The following SDK1 variants were observed in gnomAD, a reference collection of about 807,000 sequenced individuals.
SDK1 encodes sidekick cell adhesion molecule 1, also known as protein sidekick-1.
A neutral mutation model predicts 245.5 loss-of-function variants in SDK1; 157 were observed. That is an observed-to-expected ratio of 0.64 (90% CI 0.56 to 0.73). The LOEUF is 0.73. Ranked by LOEUF, SDK1 falls within the 30% of genes least tolerant of loss-of-function variation. The pLI is 0.00. For synonymous variants in SDK1, 1,647 were observed against 1,278.5 expected (o/e 1.29, Z -6.15); for missense variants, 3,583 against 3,002.3 (o/e 1.19, Z -4.52).
chr7:3,384,644 C>G (rs903545540), intron 1 of SDK1, among the ~76,000 whole-genome samples: 1 of 152,210 alleles, frequency 6.6e-6, no homozygotes, highest in African/African-American at 2.4e-5. Flanking sequence ...TCTTGAGATA[C>G]GCTGTTAGAT....
At chr7:3,733,225 T>G (rs1046745284) in intron 4 of SDK1, among the ~76,000 whole-genome samples, 2 of 152,182 alleles carry the variant, frequency 1.3e-5, no homozygotes, top group African/African-American at 4.8e-5. Context: ...CTTAAATAGG[T>G]CCCTTGAACC....
chr7:4,129,805 C>G, intron 26 of SDK1, 103 bp from the exon 27 acceptor site: 2 of 1,554,654 alleles, frequency 1.3e-6, no homozygotes, highest in South Asian at 2.4e-5. Context: ...GGAGAAAGCA[C>G]AGTTGGCTGG....
chr7:3,328,103 G>A (rs1447942220), intron 1 of SDK1, among the ~76,000 whole-genome samples: 1 of 152,116 alleles, frequency 6.6e-6, no homozygotes, highest in South Asian at 2.1e-4. Context: ...TTCTGTGTGT[G>A]TTTAACTTTC....
Position 4,265,044 on chromosome 7 carries a change from C to T in SDK1, c.6382-80C>T, listed in dbSNP as rs573200822. On this transcript the variant is annotated intron_variant, in intron 44 of 44. Transcript: ENST00000404826. ...ACACACGCCCCTGGGGAGGTGCCCC[C>T]ACCGCCAGGCCTCCTGCCCAGCACG... 7.8e-6 allele frequency: 12 copies of T among 1,541,776 alleles called. No individual in the cohort carries two copies. The East Asian group carries it at 2.2e-4, about 28-fold the overall frequency.
chr7:3,457,285 C>G (rs780212463), intron 1 of SDK1, among the ~76,000 whole-genome samples: 1 of 152,272 alleles, frequency 6.6e-6, no homozygotes, highest in African/African-American at 2.4e-5. Context: ...CCTGCCATTA[C>G]GTTGTCCCTT....
chr7:4,241,055 A>G (rs375439791), intron 42 of SDK1, among the ~76,000 whole-genome samples: 1 of 152,086 alleles, frequency 6.6e-6, no homozygotes, highest in Non-Finnish European at 1.5e-5. Context: ...TCAGAACTTT[A>G]TTTTTATTCA....
rs535175494 is a variant in SDK1 at position 4,090,510 on chromosome 7, T to G, written c.3324+10926T>G. On this transcript the variant is annotated intron_variant, in intron 22 of 44. Transcript: ENST00000404826. ...CCATTGCTATCATTGCTAATTTTGATGCTCAAACTTCCCTCCATTTGGCGA... is the reference window on the plus strand; with the variant it reads ...CCATTGCTATCATTGCTAATTTTGAGGCTCAAACTTCCCTCCATTTGGCGA... Among the ~76,000 whole-genome samples the G allele has an allele frequency of 3.9e-5, 6 of 152,358 alleles. No individual in the cohort carries two copies. The East Asian group carries it at 1.2e-3, about 29-fold the overall frequency.
At chr7:3,574,982 T>C (rs1780238921) in intron 1 of SDK1, among the ~76,000 whole-genome samples, 1 of 152,036 alleles carries the variant, frequency 6.6e-6, no homozygotes, top group Non-Finnish European at 1.5e-5. Flanking sequence ...GGAGTTACCC[T>C]TTCTGCCCCA....
chr7:3,582,967 G>A (rs1336732315), intron 1 of SDK1, among the ~76,000 whole-genome samples: 2 of 152,206 alleles, frequency 1.3e-5, no homozygotes, highest in East Asian at 3.9e-4. Flanking sequence ...TAATGATCAT[G>A]CATCTAGAAC....
At chr7:3,702,773 G>C (rs1452095864) in intron 4 of SDK1, among the ~76,000 whole-genome samples, 1 of 152,150 alleles carries the variant, frequency 6.6e-6, no homozygotes, top group Non-Finnish European at 1.5e-5. Context: ...TTCAAGTTCA[G>C]CATTTTTACT....
intron 4 of SDK1, among the ~76,000 whole-genome samples, chr7:3,778,225 G>C (rs17133814): frequency 0.01 from 1,580 of 151,914 alleles, 27 homozygotes; most frequent in African/African-American, 0.036. Context: ...AGTTTCATTT[G>C]AAGCTGGAGG....
At chr7:3,459,071 A>G (rs1780756261) in intron 1 of SDK1, among the ~76,000 whole-genome samples, 1 of 152,222 alleles carries the variant, frequency 6.6e-6, no homozygotes. Flanking sequence ...ATGAGATTGC[A>G]TTAAATCTAT....
At chr7:3,741,114 C>G (rs951253023) in intron 4 of SDK1, among the ~76,000 whole-genome samples, 1 of 152,166 alleles carries the variant, frequency 6.6e-6, no homozygotes, top group Non-Finnish European at 1.5e-5. Context: ...CTTGAAAATT[C>G]CATCCTGCCA....
intron 4 of SDK1, among the ~76,000 whole-genome samples, chr7:3,796,023 G>A (rs1190722205): frequency 2.6e-5 from 4 of 152,150 alleles, no homozygotes; most frequent in African/African-American, 9.7e-5. Flanking sequence ...TGTTTTTTGA[G>A]CTCAACCAGC....
At chr7:3,491,889 G>A (rs555304576) in intron 1 of SDK1, among the ~76,000 whole-genome samples, 8 of 152,288 alleles carry the variant, frequency 5.3e-5, no homozygotes, top group South Asian at 2.1e-4. Context: ...ATTAAAAATA[G>A]TAATTAACAT....
intron 20 of SDK1, among the ~76,000 whole-genome samples, chr7:4,069,199 C>T (rs1309170905): frequency 1.3e-5 from 2 of 152,218 alleles, no homozygotes; most frequent in African/African-American, 4.8e-5. Flanking sequence ...CCTCTGGGAT[C>T]CTCAGTTACA....
intron 1 of SDK1, among the ~76,000 whole-genome samples, chr7:3,423,916 C>G (rs1258760902): frequency 6.6e-6 from 1 of 150,826 alleles, no homozygotes; most frequent in Non-Finnish European, 1.5e-5. Context: ...CAAACACATA[C>G]TATTTTTTTT....
chr7:3,440,731 T>C (rs1780170480), intron 1 of SDK1, among the ~76,000 whole-genome samples: 1 of 152,134 alleles, frequency 6.6e-6, no homozygotes, highest in Non-Finnish European at 1.5e-5. Context: ...TAAGAACAAA[T>C]CTATCCATGA....
intron 2 of SDK1, among the ~76,000 whole-genome samples, chr7:3,636,370 C>A (rs6462203): frequency 0.3 from 44,804 of 151,864 alleles, 6,841 homozygotes; most frequent in South Asian, 0.45. Context: ...CCCCGCTTCC[C>A]CTCCCCTGTA....
Sources: allele counts gnomAD v4.1 joint callset (sites outside exome capture counted in the v4.1 genomes callset), GRCh38; gene constraint gnomAD v4.1.1; transcripts MANE v1.5; gene names NCBI Gene and HGNC (gene_info 2026-07-23, HGNC 2026-07-21).